RFX4: variants seen among roughly 807,000 people sequenced by gnomAD.
RFX4 encodes the protein regulatory factor X4.
Under a neutral mutation model 95.0 loss-of-function variants are expected in RFX4, and 10 were observed. The observed-to-expected ratio is 0.11, with a 90% CI of 0.06 to 0.18. RFX4 has a LOEUF of 0.18. RFX4 is among the 10% of genes least tolerant of loss of function. The pLI, the probability that RFX4 is intolerant of heterozygous loss-of-function variation, is 1.00. For missense variants in RFX4, 640 were observed against 922.0 expected, an observed-to-expected ratio of 0.69 and a Z score of 3.96; for synonymous variants, 321 against 340.7, an observed-to-expected ratio of 0.94 and a Z score of 0.64.
chr12:106,682,322 T>C (rs2041531369), intron 5 of RFX4: 1 of 508,054 alleles, frequency 2.0e-6, no homozygotes, highest in Non-Finnish European at 3.5e-6. Flanking sequence ...TTTTGTAAAA[T>C]AGTCTTGGGC....
intron 17 of RFX4, among the ~76,000 whole-genome samples, chr12:106,757,062 C>T (rs140379699): frequency 6.6e-6 from 1 of 152,198 alleles, no homozygotes; most frequent in African/African-American, 2.4e-5. Flanking sequence ...TTAATTATTT[C>T]ATCTGTAAAC....
chr12:106,753,979 T>C (rs1161681773), intron 17 of RFX4, among the ~76,000 whole-genome samples: 1 of 152,096 alleles, frequency 6.6e-6, no homozygotes, highest in Non-Finnish European at 1.5e-5. Flanking sequence ...TGCAGAAGTT[T>C]AGGAATGAGA....
At chr12:106,711,955 C>T (rs2042198364) in intron 10 of RFX4, among the ~76,000 whole-genome samples, 1 of 152,164 alleles carries the variant, frequency 6.6e-6, no homozygotes, top group Non-Finnish European at 1.5e-5. Flanking sequence ...CTTTCAAAAA[C>T]ATTTAAAAAT....
At chr12:106,727,542 T>C (rs1434905035) in intron 13 of RFX4, among the ~76,000 whole-genome samples, 1 of 151,730 alleles carries the variant, frequency 6.6e-6, no homozygotes, top group African/African-American at 2.4e-5. Flanking sequence ...TGTCTTTATT[T>C]ATAGATGTCA....
chr12:106,614,700 G>C (rs778502092), intron 2 of RFX4, among the ~76,000 whole-genome samples: 1 of 150,506 alleles, frequency 6.6e-6, no homozygotes, highest in Non-Finnish European at 1.5e-5. Flanking sequence ...TAGTAGAGAC[G>C]GGGTTTCACT....
intron 7 of RFX4, among the ~76,000 whole-genome samples, chr12:106,693,640 G>A (rs1354446360): frequency 6.6e-6 from 1 of 152,144 alleles, no homozygotes; most frequent in African/African-American, 2.4e-5. Context: ...GGGTCCTCTG[G>A]AGGGCAAGTA....
At position 106,662,941 on chromosome 12, in the gene RFX4, C is replaced by T. The variant is rs1026824430; in HGVS notation, c.315+8590C>T. ...CTATTTGTCTATTCTTTTCCCAATA[C>T]CATACTGTCTTGATTACAGTAGCTT... On this transcript the variant is annotated intron_variant, in intron 4 of 17. Coordinates refer to ENST00000392842, the MANE Select transcript of RFX4 (RefSeq NM_213594.3). Among the ~76,000 whole-genome samples, 6 of 152,060 alleles carry T rather than the reference C, an allele frequency of 3.9e-5. No individual in the cohort carries two copies. In the East Asian group the frequency reaches 9.6e-4, roughly 24 times the overall value.
At chr12:106,728,251 G>C (rs1359878756) in intron 13 of RFX4, among the ~76,000 whole-genome samples, 1 of 151,756 alleles carries the variant, frequency 6.6e-6, no homozygotes, top group Non-Finnish European at 1.5e-5. Flanking sequence ...CTGCTCCCTA[G>C]CTCTGTGACT....
chr12:106,669,604 G>A (rs1373081613), intron 4 of RFX4, among the ~76,000 whole-genome samples: 4 of 151,876 alleles, frequency 2.6e-5, no homozygotes, highest in East Asian at 1.9e-4. Context: ...CCATCCTGAC[G>A]TGGGGTCACT....
intron 1 of RFX4, among the ~76,000 whole-genome samples, chr12:106,603,520 G>T (rs2039756531): frequency 6.6e-6 from 1 of 152,218 alleles, no homozygotes; most frequent in Admixed American, 6.5e-5. Flanking sequence ...CATAATCCCA[G>T]ATGAATCAGG....
intron 1 of RFX4, among the ~76,000 whole-genome samples, chr12:106,591,020 C>T (rs754474164): frequency 6.6e-6 from 1 of 151,960 alleles, no homozygotes; most frequent in Non-Finnish European, 1.5e-5. Flanking sequence ...GAAAGCTTAT[C>T]CAAGAGATGA....
intron 6 of RFX4, among the ~76,000 whole-genome samples, 183 bp downstream of exon 6, chr12:106,687,280 G>A (rs1312115722): frequency 2.0e-5 from 3 of 151,852 alleles, no homozygotes; most frequent in East Asian, 1.9e-4. Flanking sequence ...CAGGCCAGGA[G>A]AGGTGGCTCA....
intron 1 of RFX4, among the ~76,000 whole-genome samples, chr12:106,584,190 G>A (rs1056191207): frequency 6.6e-6 from 1 of 152,116 alleles, no homozygotes; most frequent in Non-Finnish European, 1.5e-5. Context: ...GAAAACACCC[G>A]GTATCTCGGT....
intron 2 of RFX4, among the ~76,000 whole-genome samples, chr12:106,610,248 A>G (rs1469803708): frequency 1.3e-5 from 2 of 151,918 alleles, no homozygotes; most frequent in African/African-American, 4.8e-5. Flanking sequence ...AAAAAAAAAA[A>G]AAAAAAAAAA....
At chr12:106,740,904 T>C (rs2042792988) in intron 15 of RFX4, among the ~76,000 whole-genome samples, 1 of 152,142 alleles carries the variant, frequency 6.6e-6, no homozygotes, top group South Asian at 2.1e-4. Context: ...AAAAGAACTT[T>C]CTATGCGACG....
At chr12:106,742,759 C>A (rs974697731) in intron 15 of RFX4, among the ~76,000 whole-genome samples, 1 of 152,188 alleles carries the variant, frequency 6.6e-6, no homozygotes, top group African/African-American at 2.4e-5. Flanking sequence ...CTGCCACTTA[C>A]CTGAGCAAGT....
chr12:106,653,546 C>A (rs2040896137), intron 3 of RFX4, among the ~76,000 whole-genome samples: 1 of 152,178 alleles, frequency 6.6e-6, no homozygotes. Flanking sequence ...GGGATGTAAA[C>A]CCAGTTGTAG....
At position 106,715,463 on chromosome 12, in the gene RFX4, G is replaced by A; in HGVS notation, c.1057G>A (p.Val353Met). The A allele has an allele frequency of 1.2e-6, 2 of 1,614,220 alleles. No homozygotes were observed. Among genetic ancestry groups the A allele is most frequent in the Non-Finnish European group, 1.7e-6 (2 of 1,180,032 alleles). Residue 353 changes from valine to methionine, a missense_variant, in exon 11 of 18, where the codon GTG becomes ATG. Transcript: ENST00000392842. ...TFQMLEDWRN[V>M]DLNSITKQTL... ...CCAAATGCTGGAAGACTGGAGGAAC[G>A]TGGACCTGAACAGCATCACCAAGCA...
At chr12:106,608,767 T>G in intron 1 of RFX4, 30 bp from the exon 2 acceptor site, 1 of 1,551,946 alleles carries the variant, frequency 6.4e-7, no homozygotes, top group Non-Finnish European at 8.6e-7. Context: ...CTTTTTCTTT[T>G]CTTTCTTTCT....
Sources: gnomAD v4.1 joint callset for allele counts (sites outside exome capture counted in the v4.1 genomes callset) on GRCh38, gnomAD v4.1.1 for gene constraint, MANE v1.5 for transcripts, NCBI Gene and HGNC (gene_info 2026-07-23, HGNC 2026-07-21) for gene names.